Variants in ERC1 observed in about 807,000 individuals in gnomAD.
ERC1 encodes the protein ELKS/RAB6-interacting/CAST family member 1.
In ERC1, 56 loss-of-function variants were observed where a neutral mutation model predicts 132.0. The observed-to-expected ratio is 0.42, with a 90% CI of 0.34 to 0.53. The LOEUF (loss-of-function observed/expected upper bound fraction) is 0.53. Among genes scored for constraint, ERC1 ranks in the 20% least tolerant of loss-of-function variants. The pLI is 0.03. For synonymous variants in ERC1, 478 were observed against 476.1 expected (o/e 1.00, Z -0.05); for missense variants, 1,202 against 1,349.9 (o/e 0.89, Z 1.72).
chr12:1,207,635 C>T (rs1006927934), intron 12 of ERC1, among the ~76,000 whole-genome samples: 1 of 152,114 alleles, frequency 6.6e-6, no homozygotes, highest in African/African-American at 2.4e-5. Context: ...AAAAAAAATA[C>T]GTGAATGCAG....
intron 16 of ERC1, among the ~76,000 whole-genome samples, chr12:1,402,790 GA>G (rs1441162326): frequency 6.6e-6 from 1 of 152,088 alleles, no homozygotes; most frequent in Non-Finnish European, 1.5e-5. Flanking sequence ...TGTTCATGAA[GA>G]AAAGACCAGA....
At chr12:1,397,273 C>T (rs953590522) in intron 16 of ERC1, among the ~76,000 whole-genome samples, 4 of 152,134 alleles carry the variant, frequency 2.6e-5, no homozygotes, top group East Asian at 3.9e-4. Context: ...CTTATCTGTG[C>T]GTTGACTTTG....
intron 2 of ERC1, among the ~76,000 whole-genome samples, chr12:1,053,993 T>C (rs1972492004): frequency 6.6e-6 from 1 of 152,060 alleles, no homozygotes; most frequent in South Asian, 2.1e-4. Flanking sequence ...TTCAAGTGTT[T>C]GCAGTAATTA....
chr12:1,411,842 G>A (rs1477801427), intron 17 of ERC1, among the ~76,000 whole-genome samples: 3 of 152,144 alleles, frequency 2.0e-5, no homozygotes, highest in Non-Finnish European at 1.5e-5. Flanking sequence ...GCCAATCAGA[G>A]GAAGCCTGTT....
chr12:1,263,334 A>G lies in ERC1; in HGVS notation c.2619+169A>G, dbSNP rs569274751. Among the ~76,000 whole-genome samples, 34 of 152,346 alleles carry G rather than the reference A, an allele frequency of 2.2e-4. 1 individual carries two copies. The highest frequency in any genetic ancestry group is 1.6e-3 in the Admixed American group (25 of 15,306). On this transcript the variant is annotated intron_variant, in intron 14 of 18. Coordinates refer to ENST00000360905, the MANE Select transcript of ERC1 (RefSeq NM_178040.4). Reference sequence around the variant, plus strand: ...CTTCATAGCGGTATTAGATACAAGGATGTGGTTTCTTTTGTGTCAAGTATA... The same window carrying G: ...CTTCATAGCGGTATTAGATACAAGGGTGTGGTTTCTTTTGTGTCAAGTATA...
Position 1,313,464 on chromosome 12 carries a change from C to T in ERC1, c.2780+23452C>T, listed in dbSNP as rs531599216. Among the ~76,000 whole-genome samples the T allele has an allele frequency of 7.9e-5, 12 of 152,072 alleles. No individual in the cohort carries two copies. The East Asian group carries it at 1.6e-3, about 20-fold the overall frequency. ...GAGATTCAACTTTCCTGTTCAGAAA[C>T]GTGTTATAACTCCATATATTGCTTT... On this transcript the variant is annotated intron_variant, in intron 15 of 18. Coordinates refer to ENST00000360905, the MANE Select transcript of ERC1 (RefSeq NM_178040.4).
rs1555236270 is a variant in ERC1 at position 1,093,973 on chromosome 12, A to ATTTTTC, written c.1086+10394_1086+10395insTTTTCT. On this transcript the variant is annotated intron_variant, in intron 3 of 18. Coordinates refer to ENST00000360905, the MANE Select transcript of ERC1 (RefSeq NM_178040.4). ...TATATTTTTCTATATATATATATAT[A>ATTTTTC]TATATATATATAGAAAAACATAGAA... 1.2e-3 allele frequency among the ~76,000 whole-genome samples: 163 copies of ATTTTTC among 131,246 alleles called. 2 individuals carry two copies. Among genetic ancestry groups the ATTTTTC allele is most frequent in the African/African-American group, 4.2e-3 (155 of 37,222 alleles). The allele number at this position is 131,246 out of a possible 152,430, so 86.1% of individuals were successfully genotyped here.
At chr12:1,267,887 A>G (rs1425742869) in intron 14 of ERC1, among the ~76,000 whole-genome samples, 1 of 152,182 alleles carries the variant, frequency 6.6e-6, no homozygotes, top group African/African-American at 2.4e-5. Context: ...TTTTGACATT[A>G]TTTGGCTTAT....
intron 18 of ERC1, among the ~76,000 whole-genome samples, chr12:1,449,734 T>C (rs369609923): frequency 1.3e-5 from 2 of 152,170 alleles, no homozygotes; most frequent in African/African-American, 4.8e-5. Flanking sequence ...AAATCAGTAA[T>C]TGTCTTCTGA....
intron 3 of ERC1, among the ~76,000 whole-genome samples, chr12:1,084,087 A>G (rs1008506622): frequency 2.0e-5 from 3 of 152,238 alleles, no homozygotes; most frequent in African/African-American, 4.8e-5. Context: ...GATAAAAATC[A>G]TTGGCTGCCA....
At chr12:1,131,475 T>A (rs186784922) in intron 7 of ERC1, among the ~76,000 whole-genome samples, 21 of 152,296 alleles carry the variant, frequency 1.4e-4, no homozygotes, top group Admixed American at 3.9e-4. Context: ...TGGTTTTTTT[T>A]AATTGAGGCA....
chr12:1,173,491 G>A (rs924648531), intron 8 of ERC1, among the ~76,000 whole-genome samples: 3 of 152,258 alleles, frequency 2.0e-5, no homozygotes, highest in Non-Finnish European at 4.4e-5. Context: ...TCTGCTAAAC[G>A]TGATTCTGAA....
intron 2 of ERC1, among the ~76,000 whole-genome samples, chr12:1,069,938 A>G (rs1319049737): frequency 6.6e-6 from 1 of 152,232 alleles, no homozygotes; most frequent in Non-Finnish European, 1.5e-5. Context: ...AAATCGAGCT[A>G]CATGTATCGA....
intron 15 of ERC1, among the ~76,000 whole-genome samples, chr12:1,370,132 A>G (rs1005292002): frequency 1.3e-5 from 2 of 152,234 alleles, no homozygotes; most frequent in African/African-American, 2.4e-5. Flanking sequence ...TATAGTTCCT[A>G]TAAATCAAAT....
intron 12 of ERC1, among the ~76,000 whole-genome samples, chr12:1,204,871 A>G (rs1371516684): frequency 2.6e-5 from 4 of 152,194 alleles, no homozygotes; most frequent in African/African-American, 9.6e-5. Context: ...TGCCGCAAAA[A>G]TGATGGAGGG....
chr12:1,127,557 C>T (rs1452054348), intron 7 of ERC1, among the ~76,000 whole-genome samples: 1 of 150,056 alleles, frequency 6.7e-6, no homozygotes, highest in Non-Finnish European at 1.5e-5. Flanking sequence ...GGCTTGAGTG[C>T]GATGGCGCAG....
At chr12:1,252,765 C>A (rs1224995694) in intron 13 of ERC1, among the ~76,000 whole-genome samples, 1 of 152,130 alleles carries the variant, frequency 6.6e-6, no homozygotes, top group African/African-American at 2.4e-5. Flanking sequence ...GGTGTGTAAC[C>A]AAATTCTGTC....
chr12:1,040,508 G>A (rs963378500), intron 2 of ERC1, among the ~76,000 whole-genome samples: 3 of 151,738 alleles, frequency 2.0e-5, no homozygotes, highest in South Asian at 4.2e-4. Context: ...GGATTTCACC[G>A]TGTTAGCCGG....
chr12:1,358,743 G>A (rs929311883), intron 15 of ERC1, among the ~76,000 whole-genome samples: 1 of 152,136 alleles, frequency 6.6e-6, no homozygotes. Flanking sequence ...GCTGCTTCCC[G>A]CTCATAGACT....
Sources: gnomAD v4.1 joint callset for allele counts (sites outside exome capture counted in the v4.1 genomes callset) on GRCh38, gnomAD v4.1.1 for gene constraint, MANE v1.5 for transcripts, NCBI Gene and HGNC (gene_info 2026-07-23, HGNC 2026-07-21) for gene names.